Variants in FER1L6 observed in about 807,000 individuals in gnomAD.
FER1L6 encodes the protein fer-1 like family member 6.
A neutral mutation model predicts 219.2 loss-of-function variants in FER1L6; 177 were observed. That is an observed-to-expected ratio of 0.81 (90% CI 0.71 to 0.91). FER1L6 has a LOEUF of 0.91. FER1L6 is among the 40% of genes least tolerant of loss of function. The pLI is 0.00. For missense variants in FER1L6, 2,153 were observed against 2,259.9 expected (o/e 0.95, Z 0.96); for synonymous variants, 768 against 824.3 (o/e 0.93, Z 1.17).
chr8:123,913,643 A>G (rs1007004719), intron 1 of FER1L6, among the ~76,000 whole-genome samples: 16 of 152,214 alleles, frequency 1.1e-4, no homozygotes, highest in East Asian at 1.9e-4. Context: ...ACATTGCACT[A>G]TTGCATGATG....
Position 124,119,618 on chromosome 8 carries a change from C to T in FER1L6, c.5402C>T (p.Thr1801Ile). ...EPLAKPNRPD[T>I]SFSWFMSPFK... Reference sequence around the variant, plus strand: ...TCCTTCCCCCTCAGCCGCCCAGACACCTCCTTTTCGTGGTTCATGAGCCCC... The same window carrying T: ...TCCTTCCCCCTCAGCCGCCCAGACATCTCCTTTTCGTGGTTCATGAGCCCC... Residue 1801 changes from threonine (T) to isoleucine (I), a missense_variant, in exon 41 of 41, where the codon ACC becomes ATC. Physicochemically the swap from Thr to Ile is moderately conservative, Grantham distance 89. Coordinates refer to ENST00000522917, the MANE Select transcript of FER1L6 (RefSeq NM_001039112.2). 1 of 1,612,384 alleles carries T rather than the reference C, an allele frequency of 6.2e-7. No individual in the cohort carries two copies. Among genetic ancestry groups the T allele is most frequent in the Non-Finnish European group, 8.5e-7 (1 of 1,178,570 alleles).
intron 1 of FER1L6, among the ~76,000 whole-genome samples, chr8:123,924,176 A>G (rs1813472929): frequency 1.4e-5 from 2 of 143,164 alleles, no homozygotes; most frequent in Non-Finnish European, 3.0e-5. Context: ...CAGAGGTTGC[A>G]GTGAACTGAG....
At chr8:124,056,688 T>G (rs183756684) in intron 22 of FER1L6, among the ~76,000 whole-genome samples, 1 of 152,284 alleles carries the variant, frequency 6.6e-6, no homozygotes. Context: ...GCAGAAGGCA[T>G]CCACCCTAAA....
At chr8:123,871,961 G>A (rs190346441) in intron 1 of FER1L6, among the ~76,000 whole-genome samples, 1 of 152,278 alleles carries the variant, frequency 6.6e-6, no homozygotes, top group African/African-American at 2.4e-5. Flanking sequence ...AGAAATACCT[G>A]AGACTGGGTA....
chr8:123,895,754 T>C (rs1356644665), intron 1 of FER1L6, among the ~76,000 whole-genome samples: 1 of 152,220 alleles, frequency 6.6e-6, no homozygotes, highest in Admixed American at 6.5e-5. Context: ...GAGAAATTGT[T>C]CATCTCACCC....
intron 34 of FER1L6, among the ~76,000 whole-genome samples, 176 bp downstream of exon 34, chr8:124,091,759 G>A (rs1410800978): frequency 1.3e-5 from 2 of 152,218 alleles, no homozygotes; most frequent in East Asian, 3.9e-4. Context: ...TTGAGGTCAG[G>A]AGTTCAAGAG....
chr8:124,103,936 T>C (rs2130994212), intron 39 of FER1L6, among the ~76,000 whole-genome samples: 1 of 152,332 alleles, frequency 6.6e-6, no homozygotes, highest in South Asian at 2.1e-4. Context: ...ATGAGTGCAT[T>C]CTGCCCTCTG....
chr8:124,064,504 C>T lies in FER1L6; in HGVS notation c.3486C>T (p.Asp1162=). Residue 1162 remains aspartate (D), a synonymous_variant, in exon 26 of 41, where the codon GAC becomes GAT. Coordinates refer to ENST00000522917, the MANE Select transcript of FER1L6 (RefSeq NM_001039112.2). ...AQPAILVDVP[D]SSPMLEPEHT... ...CGGCCATCCTGGTTGACGTCCCTGACTCATCCCCGATGCTGGAGCCTGAAC... is the reference window on the plus strand; with the variant it reads ...CGGCCATCCTGGTTGACGTCCCTGATTCATCCCCGATGCTGGAGCCTGAAC... The T allele has an allele frequency of 6.2e-7, 1 of 1,614,072 alleles. No homozygotes were observed.
At chr8:123,975,803 T>C (rs1816041832) in intron 8 of FER1L6, 95 bp from the exon 9 acceptor site, 10 of 977,440 alleles carry the variant, frequency 1.0e-5, no homozygotes, top group Non-Finnish European at 1.2e-5. Context: ...TGTCTTATAT[T>C]GGGATCTTTC....
chr8:123,913,492 G>A (rs948759795), intron 1 of FER1L6, among the ~76,000 whole-genome samples: 1 of 152,160 alleles, frequency 6.6e-6, no homozygotes, highest in Admixed American at 6.5e-5. Context: ...GTGGCAGAGT[G>A]AAAGGAGGCT....
At chr8:123,989,486 G>A (rs1422107501) in intron 12 of FER1L6, among the ~76,000 whole-genome samples, 4 of 152,164 alleles carry the variant, frequency 2.6e-5, no homozygotes, top group Non-Finnish European at 5.9e-5. Flanking sequence ...CCATGATGAA[G>A]TCTAGGATTT....
At chr8:124,017,420 C>T (rs1261858788) in intron 15 of FER1L6, among the ~76,000 whole-genome samples, 1 of 152,132 alleles carries the variant, frequency 6.6e-6, no homozygotes, top group Non-Finnish European at 1.5e-5. Flanking sequence ...TTCCCCAAAA[C>T]TAATGTTGGG....
intron 34 of FER1L6, among the ~76,000 whole-genome samples, chr8:124,092,711 C>T (rs1822088531): frequency 6.6e-6 from 1 of 152,152 alleles, no homozygotes; most frequent in African/African-American, 2.4e-5. Flanking sequence ...TCTGCAGGCT[C>T]TATAGGAAGC....
At chr8:124,087,959 TC>T (rs745447433) in intron 33 of FER1L6, among the ~76,000 whole-genome samples, 20 of 152,286 alleles carry the variant, frequency 1.3e-4, no homozygotes, top group Admixed American at 2.6e-4. Flanking sequence ...GTGCTCAGCT[TC>T]CTGGAGCTGG....
Position 124,106,814 on chromosome 8 carries a change from C to T in FER1L6, c.5289+3505C>T, listed in dbSNP as rs567041927. 1.9e-3 allele frequency among the ~76,000 whole-genome samples: 286 copies of T among 152,150 alleles called. 4 individuals are homozygous for T. The highest frequency in any genetic ancestry group is 3.3e-3 in the Non-Finnish European group (225 of 68,010). Reference sequence around the variant, plus strand: ...TTTGAGTCCAAAAAGTATGTTTTTGCTTTCTGTTCCCTTTCCTAATTTTCA... The same window carrying T: ...TTTGAGTCCAAAAAGTATGTTTTTGTTTTCTGTTCCCTTTCCTAATTTTCA... On this transcript the variant is annotated intron_variant, in intron 39 of 40. Coordinates refer to ENST00000522917, the MANE Select transcript of FER1L6 (RefSeq NM_001039112.2).
chr8:124,053,955 C>T (rs773032973), intron 22 of FER1L6, among the ~76,000 whole-genome samples: 20 of 152,184 alleles, frequency 1.3e-4, no homozygotes, highest in Non-Finnish European at 2.6e-4. Context: ...TAGCTGCCCC[C>T]GTCCTCCCTA....
At chr8:124,030,196 TC>T (rs1818895941) in intron 18 of FER1L6, among the ~76,000 whole-genome samples, 4 of 152,176 alleles carry the variant, frequency 2.6e-5, no homozygotes, top group Admixed American at 2.6e-4. Flanking sequence ...AGCTTATGCA[TC>T]CAGAATGGCT....
At chr8:123,966,985 A>T (rs1454200490) in intron 5 of FER1L6, among the ~76,000 whole-genome samples, 1 of 151,562 alleles carries the variant, frequency 6.6e-6, no homozygotes, top group East Asian at 1.9e-4. Flanking sequence ...GGGAGGCTGC[A>T]GCAGAAGAAT....
chr8:123,922,124 G>A (rs1813381269), intron 1 of FER1L6, among the ~76,000 whole-genome samples: 1 of 151,990 alleles, frequency 6.6e-6, no homozygotes, highest in African/African-American at 2.4e-5. Flanking sequence ...CCCTTGCAAG[G>A]AGCCTTTTTC....
Sources: allele counts gnomAD v4.1 joint callset (sites outside exome capture counted in the v4.1 genomes callset), GRCh38; gene constraint gnomAD v4.1.1; transcripts MANE v1.5; gene names NCBI Gene and HGNC (gene_info 2026-07-23, HGNC 2026-07-21).